The following ZNF618 variants were observed in gnomAD, a reference collection of about 807,000 sequenced individuals.
ZNF618 encodes neural precursor cell expressed, developmentally down-regulated 10.
Under a neutral mutation model 103.0 loss-of-function variants are expected in ZNF618, and 34 were observed. The ratio of observed to expected loss-of-function variants is 0.33; its 90% CI spans 0.25 to 0.44. The LOEUF (loss-of-function observed/expected upper bound fraction) is 0.44. ZNF618 is among the 20% of genes least tolerant of loss of function. The pLI is 1.00. For missense variants in ZNF618, 1,059 were observed against 1,295.4 expected (o/e 0.82, Z 2.80); for synonymous variants, 551 against 542.2 (o/e 1.02, Z -0.23).
intron 13 of ZNF618, among the ~76,000 whole-genome samples, chr9:114,037,084 A>G (rs147729669): frequency 6.6e-6 from 1 of 152,308 alleles, no homozygotes; most frequent in East Asian, 1.9e-4. Flanking sequence ...CCTTTTTATT[A>G]CATTTCACCA....
chr9:113,992,860 G>C (rs898135041), intron 3 of ZNF618, among the ~76,000 whole-genome samples: 1 of 152,200 alleles, frequency 6.6e-6, no homozygotes, highest in Non-Finnish European at 1.5e-5. Flanking sequence ...CAGGAGGCTG[G>C]CTGCCAAGTT....
chr9:113,902,355 C>G (rs1454133078), intron 1 of ZNF618, among the ~76,000 whole-genome samples: 1 of 152,166 alleles, frequency 6.6e-6, no homozygotes, highest in Non-Finnish European at 1.5e-5. Flanking sequence ...CTTTCCCTCC[C>G]TTTTAAAAGT....
intron 1 of ZNF618, among the ~76,000 whole-genome samples, chr9:113,902,418 T>C (rs142463392): frequency 6.6e-6 from 1 of 152,298 alleles, no homozygotes; most frequent in East Asian, 1.9e-4. Flanking sequence ...TATCTTTGCT[T>C]GTGTAGGGTC....
At chr9:113,884,188 A>G (rs928670610) in intron 1 of ZNF618, among the ~76,000 whole-genome samples, 1 of 152,164 alleles carries the variant, frequency 6.6e-6, no homozygotes, top group African/African-American at 2.4e-5. Context: ...TCTTCAGTAC[A>G]GCCACATGCA....
intron 1 of ZNF618, among the ~76,000 whole-genome samples, chr9:113,951,693 G>T (rs1384041552): frequency 6.6e-6 from 1 of 151,364 alleles, no homozygotes; most frequent in Non-Finnish European, 1.5e-5. Flanking sequence ...ATGTTGAGGG[G>T]CCTCTTGAGT....
intron 1 of ZNF618, among the ~76,000 whole-genome samples, chr9:113,926,201 G>T (rs1833079003): frequency 3.7e-5 from 5 of 134,822 alleles, no homozygotes; most frequent in South Asian, 2.4e-4. Context: ...CTATCTTCTT[G>T]CTTGCATGAT....
rs1453025700 is a variant in ZNF618 at position 114,050,302 on chromosome 9, A to G, written c.*135A>G. On this transcript the variant is annotated 3_prime_UTR_variant, in exon 15 of 15. Transcript: ENST00000374126. ...ATTATAAATGCCCCCTGGAAACTTA[A>G]GTGCTTTTTTTATATGTGTGTGTGT... 8.8e-7 allele frequency: 1 copy of G among 1,135,836 alleles called. No individual in the cohort carries two copies. The highest frequency in any genetic ancestry group is 1.6e-5 in the South Asian group (1 of 61,040). The allele number at this position is 1,135,836 out of a possible 1,614,324, so 70.4% of individuals were successfully genotyped here.
intron 3 of ZNF618, among the ~76,000 whole-genome samples, chr9:113,989,119 C>T (rs1839776745): frequency 6.6e-6 from 1 of 152,246 alleles, no homozygotes; most frequent in South Asian, 2.1e-4. Flanking sequence ...ACCAGGGATA[C>T]CCCTCAGGGG....
In ZNF618 at chr9:114,052,633, A is replaced by AGTGACCGGCACT. The variant is rs1846206351; in HGVS notation, c.*2467_*2478dup. The AGTGACCGGCACT allele has an allele frequency of 6.6e-6, 1 of 152,262 alleles. No homozygotes were observed. The highest frequency in any genetic ancestry group is 2.4e-5 in the African/African-American group (1 of 41,472). 9.4% of individuals were successfully genotyped at this position (152,262 alleles called of 1,614,324 possible). A position where few individuals can be genotyped will look rare whatever the true frequency, so the allele number is the denominator to read the frequency against. On this transcript the variant is annotated 3_prime_UTR_variant, in exon 15 of 15. Coordinates refer to ENST00000374126, the MANE Select transcript of ZNF618 (RefSeq NM_001318042.2). ...GTTGCTTGACTGCTGGGGAAGGGAC[A>AGTGACCGGCACT]GTGACCGGCACTTTGACCCACACAA...
chr9:113,923,803 C>T lies in ZNF618; in HGVS notation c.34-45314C>T, dbSNP rs536682542. Among the ~76,000 whole-genome samples the T allele has an allele frequency of 5.9e-5, 9 of 152,108 alleles. No homozygotes were observed. The East Asian group carries it at 1.7e-3, about 29-fold the overall frequency. Reference sequence around the variant, plus strand: ...ATTGAGTATCCCTTATCTGAAATGCCTGGGACCTGAAGTATTTTGGATTTC... The same window carrying T: ...ATTGAGTATCCCTTATCTGAAATGCTTGGGACCTGAAGTATTTTGGATTTC... On this transcript the variant is annotated intron_variant, in intron 1 of 14. Transcript: ENST00000374126.
intron 2 of ZNF618, among the ~76,000 whole-genome samples, chr9:113,970,333 C>T (rs974298867): frequency 6.6e-6 from 1 of 152,028 alleles, no homozygotes; most frequent in Non-Finnish European, 1.5e-5. Flanking sequence ...ATGTGTTCGG[C>T]TTAGTGTTTC....
In ZNF618 at chr9:114,028,914, C is replaced by T. The variant is rs61735735; in HGVS notation, c.1026C>T (p.Thr342=). ...ATLLHRTPPA[T]QTQTFRTPNS... ...TCTTACACCGCACCCCTCCAGCCAC[C>T]CAAACCCAGACGTTCCGCACTCCAA... Residue 342 remains threonine, a synonymous_variant, in exon 11 of 15, where the codon ACC becomes ACT. Transcript: ENST00000374126. The T allele has an allele frequency of 1.2e-3, 1,863 of 1,550,670 alleles. 4 individuals carry two copies. The highest frequency in any genetic ancestry group is 1.9e-3 in the South Asian group (161 of 84,042).
intron 3 of ZNF618, among the ~76,000 whole-genome samples, chr9:113,996,798 G>C (rs1216778698): frequency 1.3e-5 from 2 of 152,156 alleles, no homozygotes; most frequent in Non-Finnish European, 2.9e-5. Flanking sequence ...ATAGTGGGGG[G>C]CTCTGCTGCC....
rs1284603485 is a variant in ZNF618 at position 113,998,252 on chromosome 9, A to T, written c.338-7A>T. Reference sequence around the variant, plus strand: ...AAGGGCTCTTTCTGATTTCTTACGTAATTCAGATGGAAAAGCGCCCGAAGG... The same window carrying T: ...AAGGGCTCTTTCTGATTTCTTACGTTATTCAGATGGAAAAGCGCCCGAAGG... On this transcript the variant is annotated splice_region_variant and splice_polypyrimidine_tract_variant and intron_variant, in intron 3 of 14. Transcript: ENST00000374126. 6.4e-7 allele frequency: 1 copy of T among 1,550,426 alleles called. No individual in the cohort carries two copies. Among genetic ancestry groups the T allele is most frequent in the South Asian group, 1.2e-5 (1 of 84,052 alleles).
rs1842213024 is a variant in ZNF618, at chr9:114,011,245, GATT to G, written c.754+2694_754+2696del. 2.0e-5 allele frequency among the ~76,000 whole-genome samples: 3 copies of G among 152,238 alleles called. No individual in the cohort carries two copies. In the South Asian group the frequency reaches 6.2e-4, roughly 32 times the overall value. Reference sequence around the variant, plus strand: ...CAGGATTGTCATGGGGCTTAGATGAGATTATATTTGTAAAAGAATTAGCATAGT... The same window carrying G: ...CAGGATTGTCATGGGGCTTAGATGAGATATTTGTAAAAGAATTAGCATAGT... On this transcript the variant is annotated intron_variant, in intron 9 of 14. Coordinates refer to ENST00000374126, the MANE Select transcript of ZNF618 (RefSeq NM_001318042.2).
intron 4 of ZNF618, 106 bp downstream of exon 4, chr9:113,998,460 C>A: frequency 9.7e-7 from 1 of 1,031,702 alleles, no homozygotes; most frequent in Admixed American, 2.1e-5. Context: ...CCCCTGTTAG[C>A]ATCTCAGGGT....
chr9:113,918,192 G>T (rs779479557), intron 1 of ZNF618, among the ~76,000 whole-genome samples: 1 of 152,126 alleles, frequency 6.6e-6, no homozygotes, highest in Non-Finnish European at 1.5e-5. Context: ...TGCATTTCCG[G>T]CAAGAATACC....
At chr9:113,937,088 T>G (rs959069748) in intron 1 of ZNF618, among the ~76,000 whole-genome samples, 1 of 152,234 alleles carries the variant, frequency 6.6e-6, no homozygotes, top group East Asian at 1.9e-4. Flanking sequence ...GATGAAACCA[T>G]AACTATCCCA....
intron 4 of ZNF618, 84 bp from the exon 5 acceptor site, chr9:114,001,912 A>G: frequency 8.4e-7 from 1 of 1,191,606 alleles, no homozygotes; most frequent in Non-Finnish European, 1.3e-6. Context: ...AGAGTTAGCC[A>G]CACTTGTAGG....
Sources: gnomAD v4.1 joint callset for allele counts (sites outside exome capture counted in the v4.1 genomes callset) on GRCh38, gnomAD v4.1.1 for gene constraint, MANE v1.5 for transcripts, NCBI Gene and HGNC (gene_info 2026-07-23, HGNC 2026-07-21) for gene names.